Variants in FREM1 observed in about 807,000 individuals in gnomAD.
FREM1 encodes the protein FRAS1 related extracellular matrix 1.
In FREM1, 220 loss-of-function variants were observed where a neutral mutation model predicts 210.1. That is an observed-to-expected ratio of 1.05 (90% confidence interval 0.94 to 1.17). The LOEUF (loss-of-function observed/expected upper bound fraction) is 1.17, where lower values mean the gene tolerates loss of function less well. Among genes scored for constraint, FREM1 ranks in the 50% most tolerant of loss-of-function variants. FREM1 has a pLI of 0.00. For synonymous variants in FREM1, 1,189 were observed against 980.2 expected (o/e 1.21, Z -3.98); for missense variants, 3,454 against 2,675.5 (o/e 1.29, Z -6.42).
intron 30 of FREM1, among the ~76,000 whole-genome samples, chr9:14,749,284 G>T (rs1842951536): frequency 6.6e-6 from 1 of 152,112 alleles, no homozygotes; most frequent in Non-Finnish European, 1.5e-5. Context: ...AATTCTACTG[G>T]AAAAGAAATA....
intron 10 of FREM1, among the ~76,000 whole-genome samples, chr9:14,838,796 G>C (rs1010614230): frequency 6.6e-6 from 1 of 152,146 alleles, no homozygotes; most frequent in Non-Finnish European, 1.5e-5. Context: ...TCCAATAAAA[G>C]AAATAGTGGT....
rs942167676 is a variant in FREM1 at position 14,812,982 on chromosome 9, A to G, written c.2723T>C (p.Val908Ala). 2.5e-6 allele frequency: 4 copies of G among 1,613,904 alleles called. No individual in the cohort carries two copies. In the Admixed American group the frequency reaches 5.0e-5, roughly 20 times the overall value. Reference sequence around the variant, plus strand: ...AGCAAAAATGTATTCAGAGGTGATGACCACCTCTCCTCCCTCTGAGCAATT... The same window carrying G: ...AGCAAAAATGTATTCAGAGGTGATGGCCACCTCTCCTCCCTCTGAGCAATT... ...VMNCSEGGEV[V>A]ITSEYIFATD... is the part of the protein sequence containing the mutation. The change falls in exon 16 of 37, where the codon GTC (valine) becomes GCC (alanine). Residue 908 changes from valine (V) to alanine (A), a missense_variant. Coordinates refer to ENST00000380880, the MANE Select transcript of FREM1 (RefSeq NM_001379081.2).
chr9:14,895,681 T>C (rs1432909329), intron 1 of FREM1, among the ~76,000 whole-genome samples: 5 of 152,000 alleles, frequency 3.3e-5, no homozygotes, highest in Admixed American at 2.6e-4. Context: ...ATAAGCCTAC[T>C]AGATGTTTTC....
intron 1 of FREM1, among the ~76,000 whole-genome samples, chr9:14,896,984 A>C (rs76731621): frequency 0.12 from 18,941 of 152,192 alleles, 3,823 homozygotes; most frequent in African/African-American, 0.43. Context: ...AAACAGATCA[A>C]CCACCATGAA....
Position 14,757,617 on chromosome 9 carries a change from T to C in FREM1, c.5335-1171A>G, listed in dbSNP as rs1844658571. Among the ~76,000 whole-genome samples, 3 of 152,320 alleles carry C rather than the reference T, an allele frequency of 2.0e-5. No individual in the cohort carries two copies. The South Asian group carries it at 6.2e-4, about 32-fold the overall frequency. On this transcript the variant is annotated intron_variant, in intron 28 of 36. Transcript: ENST00000380880. ...AATAAGTCATCAAATGAGAACCGTGTGCAAGCATTTCTGTTACTTGTGTGT... is the reference window on the plus strand; with the variant it reads ...AATAAGTCATCAAATGAGAACCGTGCGCAAGCATTTCTGTTACTTGTGTGT...
At chr9:14,846,912 C>T (rs1826734818) in intron 7 of FREM1, among the ~76,000 whole-genome samples, 1 of 152,184 alleles carries the variant, frequency 6.6e-6, no homozygotes, top group African/African-American at 2.4e-5. Context: ...AGCCCTCCTG[C>T]CACCACTGCC....
intron 27 of FREM1, among the ~76,000 whole-genome samples, chr9:14,766,975 AG>A (rs1435200811): frequency 6.6e-6 from 1 of 152,218 alleles, no homozygotes; most frequent in Non-Finnish European, 1.5e-5. Context: ...TAACTACAAC[AG>A]TAATCACCAC....
Position 14,801,893 on chromosome 9 carries a change from G to A in FREM1, c.3472-19C>T, listed in dbSNP as rs1817358630. 5 of 1,566,572 alleles carry A rather than the reference G, an allele frequency of 3.2e-6. No individual in the cohort carries two copies. The highest frequency in any genetic ancestry group is 2.0e-4 in the Middle Eastern group (1 of 5,006). On this transcript the variant is annotated intron_variant, in intron 19 of 36. Transcript: ENST00000380880. Reference sequence around the variant, plus strand: ...CACACACCTGAGCAAGAACACATGAGAAAAGTCAACAATGCATAAAAGACA... The same window carrying A: ...CACACACCTGAGCAAGAACACATGAAAAAAGTCAACAATGCATAAAAGACA...
At chr9:14,743,593 G>C (rs898231503) in intron 35 of FREM1, among the ~76,000 whole-genome samples, 1 of 151,964 alleles carries the variant, frequency 6.6e-6, no homozygotes, top group Non-Finnish European at 1.5e-5. Context: ...AAGAACCAAT[G>C]AAAGCTTCAT....
chr9:14,788,898 C>T, intron 23 of FREM1, 21 bp downstream of exon 23: 2 of 1,596,974 alleles, frequency 1.3e-6, no homozygotes, highest in Non-Finnish European at 1.7e-6. Flanking sequence ...TCCCAGTAAA[C>T]CTTGGTAGAC....
chr9:14,866,407 C>T (rs1021731972), intron 2 of FREM1, among the ~76,000 whole-genome samples: 3 of 152,202 alleles, frequency 2.0e-5, no homozygotes, highest in Non-Finnish European at 4.4e-5. Flanking sequence ...TTTTATTTCT[C>T]TCAGAGAGAC....
chr9:14,815,142 C>T (rs1213508775), intron 15 of FREM1, among the ~76,000 whole-genome samples: 3 of 152,142 alleles, frequency 2.0e-5, no homozygotes, highest in Admixed American at 6.5e-5. Flanking sequence ...GAGAGGTGCA[C>T]AGGAACTACT....
rs1822044309 is a variant in FREM1, at chr9:14,824,860, C to G, written c.2014G>C (p.Glu672Gln). ...TKKQLHFIDS[E>Q]SYDRELVYTI... ...TAGACCAGCTCCCTGTCATATGATTCTGAATCTATAAAATGTAGCTGTTTC... is the reference window on the plus strand; with the variant it reads ...TAGACCAGCTCCCTGTCATATGATTGTGAATCTATAAAATGTAGCTGTTTC... Residue 672 changes from glutamate to glutamine, a missense_variant, in exon 11 of 37, where the codon GAA becomes CAA. Coordinates refer to ENST00000380880, the MANE Select transcript of FREM1 (RefSeq NM_001379081.2). 10 of 1,613,342 alleles carry G rather than the reference C, an allele frequency of 6.2e-6. No individual in the cohort carries two copies. In the East Asian group the frequency reaches 2.2e-4, roughly 36 times the overall value.
intron 24 of FREM1, among the ~76,000 whole-genome samples, chr9:14,777,479 C>G (rs1011841036): frequency 6.6e-6 from 1 of 152,210 alleles, no homozygotes. Context: ...GCCTTGTTAG[C>G]TTTTCTCCAT....
At chr9:14,892,129 TG>T (rs564940327) in intron 1 of FREM1, among the ~76,000 whole-genome samples, 148 of 152,252 alleles carry the variant, frequency 9.7e-4, no homozygotes, top group Non-Finnish European at 1.6e-3. Context: ...GGGTCTGGAT[TG>T]GGACCCCTTT....
chr9:14,800,804 G>C (rs1015010043), intron 20 of FREM1, among the ~76,000 whole-genome samples: 3 of 152,138 alleles, frequency 2.0e-5, no homozygotes, highest in African/African-American at 4.8e-5. Context: ...GCCCTTGAGA[G>C]ACAAATGAAT....
At chr9:14,789,697 A>C (rs1268844211) in intron 22 of FREM1, among the ~76,000 whole-genome samples, 1 of 152,184 alleles carries the variant, frequency 6.6e-6, no homozygotes, top group Non-Finnish European at 1.5e-5. Context: ...AAAAAATATA[A>C]ACTGCAAATA....
At chr9:14,909,856 T>A (rs1174268420) in intron 1 of FREM1, 58 bp downstream of exon 1, 1 of 152,244 alleles carries the variant, frequency 6.6e-6, no homozygotes, top group African/African-American at 2.4e-5. Context: ...TCTGGGGCAT[T>A]CTGCTAACAG....
chr9:14,897,478 T>C (rs1273669307), intron 1 of FREM1, among the ~76,000 whole-genome samples: 1 of 150,006 alleles, frequency 6.7e-6, no homozygotes, highest in Non-Finnish European at 1.5e-5. Flanking sequence ...TACCCACTGA[T>C]GCAAGCAAAG....
Sources: gnomAD v4.1 joint callset for allele counts (sites outside exome capture counted in the v4.1 genomes callset) on GRCh38, gnomAD v4.1.1 for gene constraint, MANE v1.5 for transcripts, NCBI Gene and HGNC (gene_info 2026-07-23, HGNC 2026-07-21) for gene names.